The following TBC1D16 variants were observed in gnomAD, a reference collection of about 807,000 sequenced individuals.
TBC1D16 encodes the protein TBC1 domain family member 16.
A neutral mutation model predicts 74.7 loss-of-function variants in TBC1D16; 58 were observed. The ratio of observed to expected loss-of-function variants is 0.78; its 90% CI spans 0.63 to 0.97. TBC1D16 has a LOEUF of 0.97. TBC1D16 is among the 50% of genes least tolerant of loss of function. TBC1D16 has a pLI of 0.00. For synonymous variants in TBC1D16, 493 were observed against 474.7 expected (o/e 1.04, Z -0.50); for missense variants, 1,014 against 1,079.5 (o/e 0.94, Z 0.85).
chr17:79,958,972 G>C (rs1401307584), intron 3 of TBC1D16, among the ~76,000 whole-genome samples: 1 of 152,192 alleles, frequency 6.6e-6, no homozygotes, highest in East Asian at 1.9e-4. Flanking sequence ...ATTTTCAGTT[G>C]ATACAACTGT....
intron 3 of TBC1D16, among the ~76,000 whole-genome samples, chr17:79,984,646 A>AAGG (rs1051748441): frequency 6.7e-6 from 1 of 149,504 alleles, no homozygotes; most frequent in Non-Finnish European, 1.5e-5. Flanking sequence ...GGAAGGAAGG[A>AAGG]AGGAAGGAAG....
chr17:79,986,835 A>G lies in TBC1D16; in HGVS notation c.779+23325T>C, dbSNP rs1392163793. 6.6e-6 allele frequency among the ~76,000 whole-genome samples: 1 copy of G among 152,218 alleles called. No homozygotes were observed. The highest frequency in any genetic ancestry group is 2.4e-5 in the African/African-American group (1 of 41,472). On this transcript the variant is annotated intron_variant, in intron 3 of 11. Coordinates refer to ENST00000310924, the MANE Select transcript of TBC1D16 (RefSeq NM_019020.4). This position sits in a 1 kb window ranked among gnomAD's most constrained non-coding sequence, Gnocchi z 6.0. ...GTCCACGGGAAGATGGGGGTGAACG[A>G]GAAGCCTGAGGCCGGGCCGGTGGGA...
rs1363905179 is a variant in TBC1D16, at chr17:79,944,255, G to A, written c.1908+653C>T. 2 of 1,014,424 alleles carry A rather than the reference G, an allele frequency of 2.0e-6. No homozygotes were observed. Among genetic ancestry groups the A allele is most frequent in the African/African-American group, 3.3e-5 (2 of 61,298 alleles). The allele number at this position is 1,014,424 out of a possible 1,614,324, so 62.8% of individuals were successfully genotyped here. On this transcript the variant is annotated intron_variant, in intron 10 of 11. Transcript: ENST00000310924. The surrounding 1 kb of genome is among the most constrained non-coding windows in gnomAD (Gnocchi z 7.7). The stretch of plus-strand genomic sequence containing the variant: ...TCCTGCAAAAGGGTCCAGCCCTCCT[G>A]GATGCGTCGATGTGAGTTTTTTTTT...
rs1193829180 is a variant in TBC1D16 at position 79,945,137 on chromosome 17, G to A, written c.1729-50C>T. On this transcript the variant is annotated intron_variant, in intron 9 of 11. Coordinates refer to ENST00000310924, the MANE Select transcript of TBC1D16 (RefSeq NM_019020.4). ...AGTTAGCTCCGGTCCCATGCGGCCT[G>A]CTGCCCAGGAAGCCCACTCCCACTG... 10 of 1,500,432 alleles carry A rather than the reference G, an allele frequency of 6.7e-6. No homozygotes were observed. In the East Asian group the frequency reaches 7.5e-5, roughly 11 times the overall value. The allele number at this position is 1,500,432 out of a possible 1,614,324, so 92.9% of individuals were successfully genotyped here.
chr17:79,997,697 A>G (rs570810397), intron 3 of TBC1D16, among the ~76,000 whole-genome samples: 2 of 152,310 alleles, frequency 1.3e-5, no homozygotes, highest in Admixed American at 1.3e-4. Context: ...GCTGTAACTG[A>G]TGAGCCAATA....
At chr17:80,025,066 GACAC>G (rs537684516) in intron 1 of TBC1D16, among the ~76,000 whole-genome samples, 1 of 40,482 alleles carries the variant, frequency 2.5e-5, no homozygotes, top group African/African-American at 1.4e-4. Context: ...CACACACTAT[GACAC>G]ACACACACAT....
chr17:79,989,066 T>C lies in TBC1D16; in HGVS notation c.779+21094A>G, dbSNP rs530386057. ...AGGGAAACTCCTCCATCGTCCAAGA[T>C]ACAAACACAAACTCCCAAACACCTG... On this transcript the variant is annotated intron_variant, in intron 3 of 11. Coordinates refer to ENST00000310924, the MANE Select transcript of TBC1D16 (RefSeq NM_019020.4). Among the ~76,000 whole-genome samples the C allele has an allele frequency of 3.9e-5, 6 of 152,208 alleles. No individual in the cohort carries two copies. The South Asian group carries it at 1.2e-3, about 32-fold the overall frequency.
chr17:79,952,345 C>T (rs1446001833), intron 4 of TBC1D16: 12 of 270,432 alleles, frequency 4.4e-5, no homozygotes, highest in South Asian at 1.3e-4. Context: ...CGATCAGAGC[C>T]GCCGGCAGCT....
chr17:79,976,929 T>C (rs1245273739), intron 3 of TBC1D16, among the ~76,000 whole-genome samples: 2 of 152,168 alleles, frequency 1.3e-5, no homozygotes, highest in Non-Finnish European at 2.9e-5. Context: ...AGGTGAGGCC[T>C]GCCCTGCAGA....
intron 1 of TBC1D16, among the ~76,000 whole-genome samples, chr17:80,017,625 G>A (rs1179350603): frequency 2.1e-5 from 3 of 144,178 alleles, no homozygotes; most frequent in Admixed American, 7.3e-5. Flanking sequence ...AGGTTGTGGT[G>A]AGCCTAGATC....
At position 79,987,436 on chromosome 17, in the gene TBC1D16, G is replaced by A. The variant is rs2034885189; in HGVS notation, c.779+22724C>T. On this transcript the variant is annotated intron_variant, in intron 3 of 11. Coordinates refer to ENST00000310924, the MANE Select transcript of TBC1D16 (RefSeq NM_019020.4). This position sits in a 1 kb window ranked among gnomAD's most constrained non-coding sequence, Gnocchi z 5.2. ...TAAATTTTTTATTTTTTATAGAGAT[G>A]GGGTCTCGCTATGTTGTCCAGGCTG... 6.6e-6 allele frequency among the ~76,000 whole-genome samples: 1 copy of A among 151,792 alleles called. No homozygotes were observed. The highest frequency in any genetic ancestry group is 1.5e-5 in the Non-Finnish European group (1 of 67,964).
In TBC1D16 at chr17:80,007,560, G is replaced by C. The variant is rs2035724004; in HGVS notation, c.779+2600C>G. On this transcript the variant is annotated intron_variant, in intron 3 of 11. Coordinates refer to ENST00000310924, the MANE Select transcript of TBC1D16 (RefSeq NM_019020.4). The surrounding 1 kb of genome is among the most constrained non-coding windows in gnomAD (Gnocchi z 4.5). ...TGTCTCAGTGGGGACTCGAGTGTCA[G>C]AGCAGAGAAGGGGGCCATGGGGAGG... Among the ~76,000 whole-genome samples, 2 of 152,198 alleles carry C rather than the reference G, an allele frequency of 1.3e-5. No individual in the cohort carries two copies. Among genetic ancestry groups the C allele is most frequent in the South Asian group, 4.1e-4 (2 of 4,828 alleles).
chr17:80,022,160 A>G lies in TBC1D16; in HGVS notation c.-62-8551T>C, dbSNP rs2036309022. The stretch of plus-strand genomic sequence containing the variant: ...ACTACTTTTAATGTTTCAAAAGCCT[A>G]ATTCAAAGCATATATTTACCTGAAA... On this transcript the variant is annotated intron_variant, in intron 1 of 11. Coordinates refer to ENST00000310924, the MANE Select transcript of TBC1D16 (RefSeq NM_019020.4). Among the ~76,000 whole-genome samples the G allele has an allele frequency of 1.3e-5, 2 of 149,716 alleles. 1 individual carries two copies. Among genetic ancestry groups the G allele is most frequent in the African/African-American group, 5.1e-5 (2 of 39,134 alleles).
chr17:79,983,684 C>A lies in TBC1D16; in HGVS notation c.779+26476G>T, dbSNP rs2034689192. Among the ~76,000 whole-genome samples the A allele has an allele frequency of 6.6e-6, 1 of 152,144 alleles. No individual in the cohort carries two copies. The highest frequency in any genetic ancestry group is 1.5e-5 in the Non-Finnish European group (1 of 68,012). ...GCCCACGGCATTCCGGAAGGTGGTT[C>A]CTTCTGGAGACCGGGGCACGGAACG... On this transcript the variant is annotated intron_variant, in intron 3 of 11. Coordinates refer to ENST00000310924, the MANE Select transcript of TBC1D16 (RefSeq NM_019020.4). This position sits in a 1 kb window ranked among gnomAD's most constrained non-coding sequence, Gnocchi z 5.6.
At chr17:80,023,006 T>G (rs2036338511) in intron 1 of TBC1D16, among the ~76,000 whole-genome samples, 1 of 150,076 alleles carries the variant, frequency 6.7e-6, no homozygotes, top group Admixed American at 6.6e-5. Flanking sequence ...GAGGCCTATG[T>G]GGTTTGGCCC....
At position 80,001,936 on chromosome 17, in the gene TBC1D16, C is replaced by T. The variant is rs564692944; in HGVS notation, c.779+8224G>A. ...GATTTGCTGGGCAGCTGCTGCGCCCCGGAACAAAGACGGGAAGGGCAAAGT... is the reference window on the plus strand; with the variant it reads ...GATTTGCTGGGCAGCTGCTGCGCCCTGGAACAAAGACGGGAAGGGCAAAGT... On this transcript the variant is annotated intron_variant, in intron 3 of 11. Coordinates refer to ENST00000310924, the MANE Select transcript of TBC1D16 (RefSeq NM_019020.4). The surrounding 1 kb of genome is among the most constrained non-coding windows in gnomAD (Gnocchi z 5.8). Among the ~76,000 whole-genome samples the T allele has an allele frequency of 7.2e-5, 11 of 152,244 alleles. No individual in the cohort carries two copies. The highest frequency in any genetic ancestry group is 6.2e-4 in the South Asian group (3 of 4,828).
Position 79,944,282 on chromosome 17 carries a change from A to T in TBC1D16, c.1908+626T>A, listed in dbSNP as rs928561391. ...ATGCGTCGATGTGAGTTTTTTTTTTAAAAGGCTGATGGACTCAAAGAGACT... is the reference window on the plus strand; with the variant it reads ...ATGCGTCGATGTGAGTTTTTTTTTTTAAAGGCTGATGGACTCAAAGAGACT... On this transcript the variant is annotated intron_variant, in intron 10 of 11. Transcript: ENST00000310924. This position sits in a 1 kb window ranked among gnomAD's most constrained non-coding sequence, Gnocchi z 7.7. Among the ~76,000 whole-genome samples, 2 of 151,946 alleles carry T rather than the reference A, an allele frequency of 1.3e-5. No individual in the cohort carries two copies. Among genetic ancestry groups the T allele is most frequent in the African/African-American group, 2.4e-5 (1 of 41,472 alleles).
At chr17:80,004,341 C>T (rs2035597667) in intron 3 of TBC1D16, among the ~76,000 whole-genome samples, 2 of 152,246 alleles carry the variant, frequency 1.3e-5, no homozygotes, top group South Asian at 4.1e-4. Flanking sequence ...CTGATTCACT[C>T]TAAATTTCCA....
chr17:79,960,807 A>AAAAAAAAG (rs2033574287), intron 3 of TBC1D16, among the ~76,000 whole-genome samples: 2 of 141,618 alleles, frequency 1.4e-5, no homozygotes, highest in African/African-American at 2.7e-5. Flanking sequence ...AAAAAAAAAA[A>AAAAAAAAG]AACGAAGGAA....
Sources: allele counts gnomAD v4.1 joint callset (sites outside exome capture counted in the v4.1 genomes callset), GRCh38; gene constraint gnomAD v4.1.1; non-coding constraint Gnocchi (gnomAD v3.1); transcripts MANE v1.5; gene names NCBI Gene and HGNC (gene_info 2026-07-23, HGNC 2026-07-21).